The following TRHDE variants were observed in gnomAD, a reference collection of about 807,000 sequenced individuals.
TRHDE encodes thyrotropin-releasing hormone-degrading ectoenzyme.
Under a neutral mutation model 125.7 loss-of-function variants are expected in TRHDE, and 72 were observed. The observed-to-expected ratio is 0.57, with a 90% CI of 0.47 to 0.70. TRHDE has a LOEUF of 0.70. Ranked by LOEUF, TRHDE falls within the 30% of genes least tolerant of loss-of-function variation. TRHDE has a pLI of 0.00. For missense variants in TRHDE, 1,110 were observed against 1,327.1 expected (o/e 0.84, Z 2.54); for synonymous variants, 509 against 509.1 (o/e 1.00, Z 0.00).
chr12:72,202,435 T>C (rs1466242225), intron 2 of TRHDE, among the ~76,000 whole-genome samples: 1 of 152,236 alleles, frequency 6.6e-6, no homozygotes, highest in African/African-American at 2.4e-5. Context: ...TTTTTGTTTT[T>C]ATAAGAGTAA....
At chr12:72,408,575 A>G (rs150975478) in intron 3 of TRHDE, among the ~76,000 whole-genome samples, 5 of 152,320 alleles carry the variant, frequency 3.3e-5, no homozygotes, top group African/African-American at 9.6e-5. Flanking sequence ...TGACAAAACA[A>G]AACAAACAAA....
chr12:72,219,047 A>C (rs1222390762), intron 2 of TRHDE, among the ~76,000 whole-genome samples: 2 of 152,186 alleles, frequency 1.3e-5, no homozygotes, highest in African/African-American at 4.8e-5. Context: ...TCACAAAGTC[A>C]AATGAATTAA....
At chr12:72,638,729 G>C (rs1336918541) in intron 15 of TRHDE, among the ~76,000 whole-genome samples, 3 of 151,582 alleles carry the variant, frequency 2.0e-5, no homozygotes, top group Admixed American at 2.0e-4. Context: ...GCATTTGCTT[G>C]TCTGTAAAGT....
At chr12:72,156,206 A>G (rs1221679714) in intron 2 of TRHDE, among the ~76,000 whole-genome samples, 1 of 152,220 alleles carries the variant, frequency 6.6e-6, no homozygotes, top group Non-Finnish European at 1.5e-5. Flanking sequence ...GGCATGGGAT[A>G]CAATCTCCTG....
intron 2 of TRHDE, among the ~76,000 whole-genome samples, chr12:72,343,773 G>A (rs192082947): frequency 6.6e-6 from 1 of 151,984 alleles, no homozygotes; most frequent in African/African-American, 2.4e-5. Flanking sequence ...ATAAAGGAAG[G>A]GTTGAACTTC....
At chr12:72,604,628 TAAAC>T (rs1374995913) in intron 12 of TRHDE, among the ~76,000 whole-genome samples, 9 of 152,080 alleles carry the variant, frequency 5.9e-5, no homozygotes, top group East Asian at 1.9e-4. Context: ...AAAATATTCT[TAAAC>T]TAATATAATT....
chr12:72,509,185 A>G (rs907878781), intron 6 of TRHDE, among the ~76,000 whole-genome samples: 2 of 152,036 alleles, frequency 1.3e-5, no homozygotes, highest in South Asian at 2.1e-4. Context: ...CCTACAGCCT[A>G]TCTTTATCAA....
At chr12:72,622,110 G>A (rs747834201) in intron 15 of TRHDE, among the ~76,000 whole-genome samples, 24 of 151,746 alleles carry the variant, frequency 1.6e-4, no homozygotes, top group South Asian at 4.2e-4. Context: ...GTATTTATTC[G>A]TAGAACAATT....
chr12:72,637,911 G>A (rs1478385221), intron 15 of TRHDE, among the ~76,000 whole-genome samples: 2 of 152,068 alleles, frequency 1.3e-5, no homozygotes, highest in African/African-American at 4.8e-5. Context: ...GCTGAGGAGA[G>A]CTTTACTTCC....
chr12:72,519,671 A>G (rs1412261906), intron 6 of TRHDE, among the ~76,000 whole-genome samples: 2 of 152,216 alleles, frequency 1.3e-5, no homozygotes, highest in African/African-American at 4.8e-5. Context: ...GTCCAGCTTT[A>G]TTCCATTGCT....
intron 3 of TRHDE, among the ~76,000 whole-genome samples, chr12:72,387,396 T>C (rs1249914173): frequency 6.6e-6 from 1 of 151,942 alleles, no homozygotes; most frequent in Admixed American, 6.6e-5. Context: ...ATTGCTAGTA[T>C]TCGCATTCCA....
chr12:72,240,264 A>AG (rs1365748667), intron 2 of TRHDE, among the ~76,000 whole-genome samples: 1 of 150,336 alleles, frequency 6.7e-6, no homozygotes, highest in Non-Finnish European at 1.5e-5. Context: ...TACACCAAAA[A>AG]TAAAAACTGC....
intron 2 of TRHDE, among the ~76,000 whole-genome samples, chr12:72,235,705 G>T (rs973714460): frequency 2.0e-5 from 3 of 152,156 alleles, no homozygotes; most frequent in Admixed American, 6.5e-5. Context: ...GTGATTTCTG[G>T]TAGGCTTAGG....
chr12:72,281,146 G>A (rs1278321241), intron 1 of TRHDE, among the ~76,000 whole-genome samples: 3 of 151,952 alleles, frequency 2.0e-5, no homozygotes, highest in Admixed American at 6.6e-5. Context: ...CATATTGCTG[G>A]CATTATTGCC....
chr12:72,625,619 A>G lies in TRHDE; in HGVS notation c.2675+3868A>G, dbSNP rs997497434. On this transcript the variant is annotated intron_variant, in intron 15 of 18. Coordinates refer to ENST00000261180, the MANE Select transcript of TRHDE (RefSeq NM_013381.3). ...CATAAAGCTATATTTTCTTTACTAT[A>G]TTGAGCATTTACTACATTATGGGTG... Among the ~76,000 whole-genome samples the G allele has an allele frequency of 1.3e-4, 20 of 151,940 alleles. 1 individual carries two copies. Among genetic ancestry groups the G allele is most frequent in the Admixed American group, 1.1e-3 (17 of 15,208 alleles).
At chr12:72,250,687 G>T (rs549809602) in intron 2 of TRHDE, among the ~76,000 whole-genome samples, 1 of 151,990 alleles carries the variant, frequency 6.6e-6, no homozygotes, top group East Asian at 1.9e-4. Context: ...TCTAAGAAAG[G>T]CTTCAGAGTA....
At chr12:72,410,170 C>A (rs1873433704) in intron 3 of TRHDE, among the ~76,000 whole-genome samples, 1 of 151,732 alleles carries the variant, frequency 6.6e-6, no homozygotes, top group South Asian at 2.1e-4. Flanking sequence ...GTAAAATGAA[C>A]AAATTCCTAG....
intron 2 of TRHDE, among the ~76,000 whole-genome samples, chr12:72,195,627 T>C (rs2139351555): frequency 6.6e-6 from 1 of 152,256 alleles, no homozygotes; most frequent in South Asian, 2.1e-4. Context: ...TCCTTATAGA[T>C]TCTGGATATT....
chr12:72,163,452 C>T (rs1367974858), intron 2 of TRHDE, among the ~76,000 whole-genome samples: 3 of 152,112 alleles, frequency 2.0e-5, no homozygotes, highest in Admixed American at 1.3e-4. Context: ...CAATGTCAAG[C>T]CTTAGGGGAA....
Sources: allele counts gnomAD v4.1 joint callset (sites outside exome capture counted in the v4.1 genomes callset), GRCh38; gene constraint gnomAD v4.1.1; transcripts MANE v1.5; gene names NCBI Gene and HGNC (gene_info 2026-07-23, HGNC 2026-07-21).